Variants in AGBL1 observed in about 807,000 individuals in gnomAD.
AGBL1 encodes cytosolic carboxypeptidase 4.
Under a neutral mutation model 118.9 loss-of-function variants are expected in AGBL1, and 130 were observed. The ratio of observed to expected loss-of-function variants is 1.09; its 90% CI spans 0.95 to 1.26. The LOEUF (loss-of-function observed/expected upper bound fraction) is 1.26. Among genes scored for constraint, AGBL1 ranks in the 50% most tolerant of loss-of-function variants. The pLI, the probability that AGBL1 is intolerant of heterozygous loss-of-function variation, is 0.00. For synonymous variants in AGBL1, 555 were observed against 478.9 expected (o/e 1.16, Z -2.08); for missense variants, 1,584 against 1,298.1 (o/e 1.22, Z -3.38).
intron 3 of AGBL1, among the ~76,000 whole-genome samples, chr15:86,147,833 A>G (rs1283307226): frequency 1.3e-5 from 2 of 152,204 alleles, no homozygotes; most frequent in Non-Finnish European, 2.9e-5. Context: ...CATGTAGCCT[A>G]ACTGGGAGAC....
In AGBL1 at chr15:86,908,314, C is replaced by A. The variant is rs1050099225; in HGVS notation, c.*1020C>A. 6.6e-6 allele frequency: 1 copy of A among 152,132 alleles called. No individual in the cohort carries two copies. The highest frequency in any genetic ancestry group is 2.4e-5 in the African/African-American group (1 of 41,416). 9.4% of individuals were successfully genotyped at this position (152,132 alleles called of 1,614,324 possible). Reference sequence around the variant, plus strand: ...AAGAAAAAATTCTCACCAGCCTGGACAACATGATGAAACCCTGTCTCTACT... The same window carrying A: ...AAGAAAAAATTCTCACCAGCCTGGAAAACATGATGAAACCCTGTCTCTACT... On this transcript the variant is annotated 3_prime_UTR_variant, in exon 23 of 23. Transcript: ENST00000614907.
At chr15:86,742,112 T>G (rs1432650037) in intron 22 of AGBL1, among the ~76,000 whole-genome samples, 1 of 152,046 alleles carries the variant, frequency 6.6e-6, no homozygotes, top group East Asian at 1.9e-4. Flanking sequence ...AGTGAGGCAT[T>G]GAGCCATCTA....
chr15:86,778,609 C>T (rs1424386677), intron 22 of AGBL1, among the ~76,000 whole-genome samples: 1 of 152,182 alleles, frequency 6.6e-6, no homozygotes, highest in Non-Finnish European at 1.5e-5. Context: ...TCTGTTCCAC[C>T]TGGCTCACTG....
chr15:86,143,680 T>G lies in AGBL1; in HGVS notation c.116-19T>G. 1 of 1,611,880 alleles carries G rather than the reference T, an allele frequency of 6.2e-7. No homozygotes were observed. Among genetic ancestry groups the G allele is most frequent in the Non-Finnish European group, 8.5e-7 (1 of 1,178,750 alleles). ...GGGATTATTACTTGTGGCTCATCTT[T>G]CCTCCGGTTTCCCCTCAGGCACAGA... On this transcript the variant is annotated intron_variant, in intron 2 of 22. Transcript: ENST00000614907.
chr15:86,786,611 T>C (rs534511739), intron 22 of AGBL1, among the ~76,000 whole-genome samples: 1 of 152,330 alleles, frequency 6.6e-6, no homozygotes, highest in African/African-American at 2.4e-5. Flanking sequence ...AAATAACCAT[T>C]ATTCTAAATT....
chr15:86,539,227 A>G (rs1400934973), intron 19 of AGBL1, among the ~76,000 whole-genome samples: 1 of 152,182 alleles, frequency 6.6e-6, no homozygotes, highest in Non-Finnish European at 1.5e-5. Flanking sequence ...ATTTCTTCCT[A>G]TGTTCCTTGC....
At chr15:86,184,531 G>A (rs2077601698) in intron 5 of AGBL1, among the ~76,000 whole-genome samples, 1 of 151,652 alleles carries the variant, frequency 6.6e-6, no homozygotes, top group Non-Finnish European at 1.5e-5. Context: ...GCTAGGTTGG[G>A]GAAGTTCTCC....
At chr15:86,305,999 TTTTAA>T (rs1301366939) in intron 17 of AGBL1, among the ~76,000 whole-genome samples, 1 of 152,196 alleles carries the variant, frequency 6.6e-6, no homozygotes, top group East Asian at 1.9e-4. Context: ...TTAAAATTTT[TTTTAA>T]TTTAATTTTT....
At chr15:86,665,092 A>G (rs1411140751) in intron 21 of AGBL1, among the ~76,000 whole-genome samples, 5 of 152,324 alleles carry the variant, frequency 3.3e-5, no homozygotes, top group East Asian at 1.9e-4. Flanking sequence ...ATAGCATACT[A>G]TAGTCAATTA....
rs557812074 is a variant in AGBL1, at chr15:87,017,977, A to C, written c.3324-10848A>C. Among the ~76,000 whole-genome samples, 13 of 138,894 alleles carry C rather than the reference A, an allele frequency of 9.4e-5. No homozygotes were observed. The South Asian group carries it at 2.1e-3, about 22-fold the overall frequency. The allele number at this position is 138,894 out of a possible 152,430, so 91.1% of individuals were successfully genotyped here. A position where few individuals can be genotyped will look rare whatever the true frequency, so the allele number is the denominator to read the frequency against. ...AACCAACCTAAAGGAGCTGAGAAACATAACACGAGAAATTTACAATGCAAT... is the reference window on the plus strand; with the variant it reads ...AACCAACCTAAAGGAGCTGAGAAACCTAACACGAGAAATTTACAATGCAAT... On this transcript the variant is annotated intron_variant, in intron 24 of 24. Transcript: ENST00000441037.
intron 22 of AGBL1, among the ~76,000 whole-genome samples, chr15:86,788,973 G>C (rs1380861552): frequency 6.6e-6 from 1 of 152,198 alleles, no homozygotes; most frequent in Non-Finnish European, 1.5e-5. Context: ...GCAGGCAGTA[G>C]GGTTTCAGGT....
intron 21 of AGBL1, among the ~76,000 whole-genome samples, chr15:86,641,268 CTTA>C (rs2085185131): frequency 6.6e-6 from 1 of 151,948 alleles, no homozygotes; most frequent in Admixed American, 6.6e-5. Flanking sequence ...ATTGTGATCA[CTTA>C]TTTTTATTGT....
At chr15:86,844,527 C>T (rs1036740647) in intron 22 of AGBL1, among the ~76,000 whole-genome samples, 1 of 152,110 alleles carries the variant, frequency 6.6e-6, no homozygotes. Flanking sequence ...AAATCCCTCT[C>T]CGAATATTTG....
At chr15:86,755,448 A>C (rs1189885413) in intron 22 of AGBL1, among the ~76,000 whole-genome samples, 2 of 152,094 alleles carry the variant, frequency 1.3e-5, no homozygotes, top group African/African-American at 4.8e-5. Flanking sequence ...TAAAGTTAAA[A>C]TGCCAGGAAC....
intron 22 of AGBL1, among the ~76,000 whole-genome samples, chr15:86,906,048 A>G (rs537033997): frequency 6.6e-6 from 1 of 152,258 alleles, no homozygotes; most frequent in East Asian, 1.9e-4. Context: ...CCTTTGATTC[A>G]TTTCCCGATC....
At chr15:86,939,926 C>T (rs1170074628) in intron 23 of AGBL1, among the ~76,000 whole-genome samples, 1 of 151,524 alleles carries the variant, frequency 6.6e-6, no homozygotes, top group African/African-American at 2.4e-5. Flanking sequence ...CAGGGTCTTA[C>T]ACTGGCCCAG....
intron 17 of AGBL1, among the ~76,000 whole-genome samples, chr15:86,396,136 CAT>C (rs2081357138): frequency 1.0e-5 from 1 of 96,736 alleles, no homozygotes; most frequent in Admixed American, 1.1e-4. Context: ...ATCATATATT[CAT>C]ATATATGTGT....
chr15:86,385,555 C>G (rs958132169), intron 17 of AGBL1, among the ~76,000 whole-genome samples: 18 of 152,194 alleles, frequency 1.2e-4, no homozygotes, highest in Non-Finnish European at 2.4e-4. Flanking sequence ...ATTTTACTTC[C>G]CATAAATACC....
intron 17 of AGBL1, among the ~76,000 whole-genome samples, chr15:86,308,251 C>T (rs1194173067): frequency 1.3e-5 from 2 of 152,108 alleles, no homozygotes; most frequent in Non-Finnish European, 2.9e-5. Flanking sequence ...AACCCTAATC[C>T]CCAATGTGAT....
Sources: allele counts gnomAD v4.1 joint callset (sites outside exome capture counted in the v4.1 genomes callset), GRCh38; gene constraint gnomAD v4.1.1; transcripts MANE v1.5; gene names NCBI Gene and HGNC (gene_info 2026-07-23, HGNC 2026-07-21).